SHCBP1: variants seen among roughly 807,000 people sequenced by gnomAD.
The protein encoded by SHCBP1 is SHC SH2 domain-binding protein 1.
Under a neutral mutation model 75.1 loss-of-function variants are expected in SHCBP1, and 60 were observed. The observed-to-expected ratio is 0.80, with a 90% CI of 0.65 to 0.99. SHCBP1 has a LOEUF of 0.99. Ranked by LOEUF, SHCBP1 falls within the 50% of genes least tolerant of loss-of-function variation. The pLI is 0.00. For synonymous variants in SHCBP1, 290 were observed against 293.2 expected (o/e 0.99, Z 0.11); for missense variants, 709 against 809.4 (o/e 0.88, Z 1.50).
At chr16:46,606,949 C>G (rs1342734290) in intron 5 of SHCBP1, among the ~76,000 whole-genome samples, 1 of 152,026 alleles carries the variant, frequency 6.6e-6, no homozygotes, top group Non-Finnish European at 1.5e-5. Context: ...GCCTCCCCAG[C>G]AGCTGGGACT....
chr16:46,615,865 G>T, intron 4 of SHCBP1, 81 bp downstream of exon 4: 1 of 1,263,430 alleles, frequency 7.9e-7, no homozygotes, highest in Non-Finnish European at 1.1e-6. Flanking sequence ...TTTTAAATCT[G>T]GGTCTAACAC....
chr16:46,616,253 A>C lies in SHCBP1; in HGVS notation c.388-99T>G. 2.2e-5 allele frequency: 26 copies of C among 1,162,056 alleles called. No individual in the cohort carries two copies. Among genetic ancestry groups the C allele is most frequent in the Non-Finnish European group, 3.0e-5 (24 of 808,898 alleles). The allele number at this position is 1,162,056 out of a possible 1,614,324, so 72.0% of individuals were successfully genotyped here. ...CCTGATTTTTTTAAAAGCATACAAC[A>C]TGGGTGGGGAGGCTTTACCCATAAT... On this transcript the variant is annotated intron_variant, in intron 3 of 12. Coordinates refer to ENST00000303383, the MANE Select transcript of SHCBP1 (RefSeq NM_024745.5). This position sits in a 1 kb window ranked among gnomAD's most constrained non-coding sequence, Gnocchi z 4.4.
At chr16:46,619,960 G>A (rs1369143756) in intron 1 of SHCBP1, among the ~76,000 whole-genome samples, 1 of 152,050 alleles carries the variant, frequency 6.6e-6, no homozygotes, top group African/African-American at 2.4e-5. Context: ...ATTTGAACCC[G>A]GGAGGCAGAG....
intron 1 of SHCBP1, among the ~76,000 whole-genome samples, chr16:46,619,073 C>T (rs1002286636): frequency 6.6e-6 from 1 of 152,144 alleles, no homozygotes; most frequent in African/African-American, 2.4e-5. Context: ...ATAAGGTTTA[C>T]TTCAGTAAGG....
intron 9 of SHCBP1, among the ~76,000 whole-genome samples, chr16:46,596,734 T>C (rs1043500686): frequency 6.6e-6 from 1 of 151,450 alleles, no homozygotes; most frequent in Non-Finnish European, 1.5e-5. Context: ...AGTAAACTTT[T>C]TTTTTTTTTT....
chr16:46,619,168 T>C, intron 1 of SHCBP1, among the ~76,000 whole-genome samples: 1 of 152,220 alleles, frequency 6.6e-6, no homozygotes, highest in East Asian at 1.9e-4. Flanking sequence ...TTGGGCTGTA[T>C]ATAATGTTTC....
chr16:46,595,559 C>A lies in SHCBP1; in HGVS notation c.1457G>T (p.Gly486Val). The change falls in exon 10 of 13, where the codon GGC (glycine) becomes GTC (valine). Residue 486 changes from glycine to valine, a missense_variant. By Grantham distance (109) the Gly-to-Val change is moderately radical (BLOSUM62 -3). Coordinates refer to ENST00000303383, the MANE Select transcript of SHCBP1 (RefSeq NM_024745.5). ...EFLMKNSDLY[G>V]AKGAGIEIYP... ...GAGGACAAGAGCTTCTACCTTGGCG[C>A]CATATAAATCCGAGTTCTTCATTAG... 1 of 1,613,408 alleles carries A rather than the reference C, an allele frequency of 6.2e-7. No individual in the cohort carries two copies. Among genetic ancestry groups the A allele is most frequent in the Non-Finnish European group, 8.5e-7 (1 of 1,179,448 alleles).
At chr16:46,596,061 C>T (rs1400262030) in intron 9 of SHCBP1, among the ~76,000 whole-genome samples, 2 of 151,884 alleles carry the variant, frequency 1.3e-5, no homozygotes, top group African/African-American at 4.8e-5. Context: ...ACCTTGAATA[C>T]AGAGAAAACA....
intron 9 of SHCBP1, among the ~76,000 whole-genome samples, 173 bp downstream of exon 9, chr16:46,599,658 C>A (rs1312778954): frequency 1.4e-4 from 2 of 14,800 alleles, no homozygotes; most frequent in Non-Finnish European, 2.7e-4. Context: ...GTTGCCACAA[C>A]CTTCAATTTG....
At chr16:46,582,552 G>C (rs1239166304) in intron 12 of SHCBP1, among the ~76,000 whole-genome samples, 2 of 152,170 alleles carry the variant, frequency 1.3e-5, no homozygotes, top group Non-Finnish European at 2.9e-5. Flanking sequence ...TGCTGAGATG[G>C]GGGGGCCATG....
At chr16:46,588,469 A>T (rs1040836524) in intron 10 of SHCBP1, among the ~76,000 whole-genome samples, 3 of 152,246 alleles carry the variant, frequency 2.0e-5, no homozygotes, top group African/African-American at 7.2e-5. Flanking sequence ...AATAGATGCA[A>T]TAAAAACTAA....
At chr16:46,618,136 ATCGCAC>A (rs1336410502) in intron 2 of SHCBP1, 63 bp downstream of exon 2, 1 of 1,463,054 alleles carries the variant, frequency 6.8e-7, no homozygotes, top group Non-Finnish European at 9.2e-7. Context: ...AGATCGCACC[ATCGCAC>A]TCCAGCCTGG....
chr16:46,601,934 C>G (rs749089760), intron 8 of SHCBP1, among the ~76,000 whole-genome samples: 1 of 152,112 alleles, frequency 6.6e-6, no homozygotes, highest in Non-Finnish European at 1.5e-5. Context: ...ATATATATCT[C>G]TTGTTATATT....
chr16:46,596,938 G>C (rs540493651), intron 9 of SHCBP1, among the ~76,000 whole-genome samples: 2 of 152,000 alleles, frequency 1.3e-5, no homozygotes, highest in South Asian at 4.2e-4. Context: ...ATGTTCGCCA[G>C]GCTGGTCTCA....
At chr16:46,590,624 T>G (rs999801110) in intron 10 of SHCBP1, among the ~76,000 whole-genome samples, 4 of 152,108 alleles carry the variant, frequency 2.6e-5, no homozygotes, top group African/African-American at 7.2e-5. Flanking sequence ...GAGATACCAT[T>G]TCACACCAGT....
chr16:46,588,983 T>G (rs544468451), intron 10 of SHCBP1, among the ~76,000 whole-genome samples: 15 of 151,980 alleles, frequency 9.9e-5, no homozygotes, highest in East Asian at 1.9e-4. Context: ...ATGATCAAGT[T>G]GGCTTCATCC....
rs1326079025 is a variant in SHCBP1, at chr16:46,584,053, T to A, written c.1501A>T (p.Thr501Ser). 3 of 1,605,710 alleles carry A rather than the reference T, an allele frequency of 1.9e-6. No homozygotes were observed. The highest frequency in any genetic ancestry group is 2.2e-5 in the East Asian group (1 of 44,846). The change falls in exon 11 of 13, where the codon ACC becomes TCC. Residue 501 changes from threonine (T) to serine (S), a missense_variant. By Grantham distance (58) the Thr-to-Ser change is moderately conservative (BLOSUM62 1). Coordinates refer to ENST00000303383, the MANE Select transcript of SHCBP1 (RefSeq NM_024745.5). ...TGATGGATCCCATTGTCACTCAGGG[T>A]GCACTGACTCCCAGGGTAGATTTCT... The part of the protein sequence containing the change: ...GIEIYPGSQC[T>S]LSDNGIHHCK...
In SHCBP1 at chr16:46,581,983, T is replaced by C. The variant is rs933949248; in HGVS notation, c.1765A>G (p.Ile589Val). 5.0e-6 allele frequency: 8 copies of C among 1,614,216 alleles called. No homozygotes were observed. Among genetic ancestry groups the C allele is most frequent in the African/African-American group, 1.3e-5 (1 of 75,070 alleles). The change falls in exon 13 of 13, where the codon ATT becomes GTT. Residue 589 changes from isoleucine (I) to valine (V), a missense_variant. Coordinates refer to ENST00000303383, the MANE Select transcript of SHCBP1 (RefSeq NM_024745.5). ...TCCATTTTACCAGTTGCACACTCAATCAGCTCTTCTAGATCCACTCTTTCA... is the reference window on the plus strand; with the variant it reads ...TCCATTTTACCAGTTGCACACTCAACCAGCTCTTCTAGATCCACTCTTTCA... ...VAERVDLEEL[I>V]ECATGKMELC...
intron 10 of SHCBP1, among the ~76,000 whole-genome samples, chr16:46,589,973 T>C (rs1365051681): frequency 6.6e-6 from 1 of 150,838 alleles, no homozygotes; most frequent in Non-Finnish European, 1.5e-5. Flanking sequence ...AAAACAGAGA[T>C]ATAGACCAAT....
Sources: gnomAD v4.1 joint callset for allele counts (sites outside exome capture counted in the v4.1 genomes callset) on GRCh38, gnomAD v4.1.1 for gene constraint, Gnocchi (gnomAD v3.1) non-coding constraint, MANE v1.5 for transcripts, NCBI Gene and HGNC (gene_info 2026-07-23, HGNC 2026-07-21) for gene names.